The following PLEKHA5 variants were observed in gnomAD, a reference collection of about 807,000 sequenced individuals.
PLEKHA5 encodes the protein pleckstrin homology domain containing A5.
In PLEKHA5, 55 loss-of-function variants were observed where a neutral mutation model predicts 181.9. That is an observed-to-expected ratio of 0.30 (90% CI 0.24 to 0.38). The LOEUF is 0.38. Ranked by LOEUF, PLEKHA5 falls within the 10% of genes least tolerant of loss-of-function variation. The pLI is 1.00. For synonymous variants in PLEKHA5, 535 were observed against 529.4 expected, an observed-to-expected ratio of 1.01 and a Z score of -0.15; for missense variants, 1,432 against 1,549.5, an observed-to-expected ratio of 0.92 and a Z score of 1.27.
At chr12:19,213,037 T>C (rs1555109885) in intron 3 of PLEKHA5, among the ~76,000 whole-genome samples, 1 of 152,074 alleles carries the variant, frequency 6.6e-6, no homozygotes, top group Non-Finnish European at 1.5e-5. Flanking sequence ...TCTATAAGAA[T>C]ATCATTTATG....
intron 25 of PLEKHA5, among the ~76,000 whole-genome samples, chr12:19,348,879 T>C (rs141108820): frequency 0.011 from 1,636 of 152,190 alleles, 36 homozygotes; most frequent in African/African-American, 0.037. Context: ...GGAGAATCAC[T>C]GGAACCCAGG....
intron 3 of PLEKHA5, among the ~76,000 whole-genome samples, chr12:19,246,582 A>G (rs1266032624): frequency 6.7e-6 from 1 of 150,078 alleles, no homozygotes; most frequent in African/African-American, 2.5e-5. Flanking sequence ...AGATTGCGCC[A>G]CTGCACTCCA....
intron 3 of PLEKHA5, among the ~76,000 whole-genome samples, chr12:19,216,361 T>G (rs1488595426): frequency 2.6e-5 from 4 of 152,144 alleles, no homozygotes; most frequent in African/African-American, 9.7e-5. Context: ...GTGATCCTTC[T>G]AGTGGTTAAA....
intron 22 of PLEKHA5, among the ~76,000 whole-genome samples, 155 bp downstream of exon 22, chr12:19,343,589 C>T (rs898683774): frequency 6.6e-6 from 1 of 152,176 alleles, no homozygotes; most frequent in Admixed American, 6.5e-5. Context: ...GCCTACTACA[C>T]ACCTAGGCTA....
chr12:19,292,123 T>C (rs986023985), intron 15 of PLEKHA5, among the ~76,000 whole-genome samples: 2 of 152,108 alleles, frequency 1.3e-5, no homozygotes, highest in Non-Finnish European at 2.9e-5. Flanking sequence ...TGGGTGAAGT[T>C]GGCTGGATGC....
chr12:19,247,518 G>A (rs1381476730), intron 3 of PLEKHA5, among the ~76,000 whole-genome samples: 1 of 151,942 alleles, frequency 6.6e-6, no homozygotes, highest in Non-Finnish European at 1.5e-5. Flanking sequence ...ACAGTTTGAT[G>A]GAAATATATA....
intron 20 of PLEKHA5, among the ~76,000 whole-genome samples, chr12:19,335,418 A>AT (rs1183299576): frequency 1.4e-5 from 2 of 147,118 alleles, no homozygotes; most frequent in African/African-American, 5.1e-5. Context: ...CTTTTACTTT[A>AT]TTTATTTTTT....
rs33953502 is a variant in PLEKHA5 at position 19,172,964 on chromosome 12, GTT to G, written c.227+40526_227+40527del. Among the ~76,000 whole-genome samples the G allele has an allele frequency of 8.8e-4, 101 of 114,686 alleles. 1 individual carries two copies. Among genetic ancestry groups the G allele is most frequent in the South Asian group, 9.2e-4 (3 of 3,256 alleles). The allele number at this position is 114,686 out of a possible 152,430, so 75.2% of individuals were successfully genotyped here. On this transcript the variant is annotated intron_variant, in intron 3 of 31. Transcript: ENST00000429027. ...TGAGCAATAGAATGGGAAAAAAGTT[GTT>G]TTTTTTTTTTTAAAGAAAATTGCTA...
chr12:19,179,914 G>A (rs978682271), intron 3 of PLEKHA5, among the ~76,000 whole-genome samples: 5 of 152,030 alleles, frequency 3.3e-5, no homozygotes, highest in African/African-American at 1.2e-4. Context: ...TTCCCAGGCC[G>A]GACTTCAACT....
chr12:19,251,208 C>T (rs149523921), intron 3 of PLEKHA5, among the ~76,000 whole-genome samples: 4 of 152,030 alleles, frequency 2.6e-5, no homozygotes, highest in African/African-American at 9.6e-5. Context: ...AGTTCAAGAC[C>T]AGCCTGGCCA....
intron 3 of PLEKHA5, among the ~76,000 whole-genome samples, chr12:19,252,332 T>C (rs2065562205): frequency 6.6e-6 from 1 of 152,100 alleles, no homozygotes; most frequent in Non-Finnish European, 1.5e-5. Context: ...AAACTAATAT[T>C]CAATACAGAC....
At chr12:19,283,772 A>G in intron 12 of PLEKHA5, 27 bp downstream of exon 12, 2 of 1,382,208 alleles carry the variant, frequency 1.4e-6, no homozygotes, top group Non-Finnish European at 2.1e-6. Flanking sequence ...TTTTGTGTTA[A>G]CTCACTACCT....
At chr12:19,175,388 T>G (rs1039601224) in intron 3 of PLEKHA5, among the ~76,000 whole-genome samples, 5 of 152,178 alleles carry the variant, frequency 3.3e-5, no homozygotes, top group African/African-American at 1.2e-4. Context: ...TTAACCAGAC[T>G]TTTTTCAGTT....
chr12:19,359,507 A>C lies in PLEKHA5; in HGVS notation c.3444A>C (p.Leu1148=). ...CTCCTGCAACAGAAATTGTTCAACTAAAAGAAACCGAACCCCAAAATGTGG... is the reference window on the plus strand; with the variant it reads ...CTCCTGCAACAGAAATTGTTCAACTCAAAGAAACCGAACCCCAAAATGTGG... ...HETPATEIVQ[L]KETEPQNVDF... Residue 1148 remains leucine, a synonymous_variant, in exon 28 of 32, where the codon CTA becomes CTC. Transcript: ENST00000429027. The C allele has an allele frequency of 6.2e-7, 1 of 1,613,956 alleles. No individual in the cohort carries two copies. Among genetic ancestry groups the C allele is most frequent in the Non-Finnish European group, 8.5e-7 (1 of 1,179,872 alleles).
intron 20 of PLEKHA5, among the ~76,000 whole-genome samples, chr12:19,329,685 T>G (rs761028255): frequency 6.6e-6 from 1 of 152,192 alleles, no homozygotes; most frequent in Non-Finnish European, 1.5e-5. Context: ...TAATGTCATC[T>G]TTGTTGCTTC....
chr12:19,230,092 C>T (rs1176465442), intron 3 of PLEKHA5, among the ~76,000 whole-genome samples: 2 of 151,990 alleles, frequency 1.3e-5, no homozygotes, highest in East Asian at 3.9e-4. Context: ...TAGCTAGACA[C>T]AGAGTGCTGA....
intron 3 of PLEKHA5, among the ~76,000 whole-genome samples, chr12:19,134,635 T>C (rs1418313690): frequency 1.3e-5 from 2 of 152,170 alleles, no homozygotes; most frequent in Non-Finnish European, 2.9e-5. Flanking sequence ...CTTGTTTGTA[T>C]TGTTATTTAT....
At chr12:19,268,021 G>C (rs1225371273) in intron 8 of PLEKHA5, among the ~76,000 whole-genome samples, 2 of 152,096 alleles carry the variant, frequency 1.3e-5, no homozygotes. Flanking sequence ...ATAGTGGTGA[G>C]GTTAAGGGGT....
chr12:19,183,425 C>T (rs1329002395), intron 3 of PLEKHA5, among the ~76,000 whole-genome samples: 1 of 152,078 alleles, frequency 6.6e-6, no homozygotes, highest in African/African-American at 2.4e-5. Context: ...TATCAACAAC[C>T]CTGTGGGATA....
Sources: gnomAD v4.1 joint callset for allele counts (sites outside exome capture counted in the v4.1 genomes callset) on GRCh38, gnomAD v4.1.1 for gene constraint, MANE v1.5 for transcripts, NCBI Gene and HGNC (gene_info 2026-07-23, HGNC 2026-07-21) for gene names.